The following MTMR2 variants were observed in gnomAD, a reference collection of about 807,000 sequenced individuals.
MTMR2 encodes the protein myotubularin related protein 2.
A neutral mutation model predicts 86.9 loss-of-function variants in MTMR2; 55 were observed. The observed-to-expected ratio is 0.63, with a 90% CI of 0.51 to 0.79. The LOEUF (loss-of-function observed/expected upper bound fraction) is 0.79. Ranked by LOEUF, MTMR2 falls within the 30% of genes least tolerant of loss-of-function variation. The probability of loss-of-function intolerance (pLI) is 0.00; values close to 1 mark genes in which losing one functional copy is unlikely to be tolerated. For missense variants in MTMR2, 659 were observed against 772.3 expected, an observed-to-expected ratio of 0.85 and a Z score of 1.74; for synonymous variants, 241 against 266.8, an observed-to-expected ratio of 0.90 and a Z score of 0.94.
intron 5 of MTMR2, among the ~76,000 whole-genome samples, chr11:95,859,354 C>G (rs995916431): frequency 2.6e-5 from 4 of 152,180 alleles, no homozygotes. Context: ...AGACTGAATG[C>G]AGTTATTCAT....
chr11:95,853,036 T>TTATA (rs71459780), intron 7 of MTMR2, among the ~76,000 whole-genome samples: 1 of 148,528 alleles, frequency 6.7e-6, no homozygotes. Context: ...TTCTAAAAAT[T>TTATA]TATATATAAT....
rs994225872 is a variant in MTMR2 at position 95,833,601 on chromosome 11, G to A, written c.*1689C>T. 1.3e-5 allele frequency: 2 copies of A among 152,066 alleles called. No individual in the cohort carries two copies. Among genetic ancestry groups the A allele is most frequent in the Non-Finnish European group, 2.9e-5 (2 of 68,000 alleles). 9.4% of individuals were successfully genotyped at this position (152,066 alleles called of 1,614,324 possible). A position where few individuals can be genotyped will look rare whatever the true frequency, so the allele number is the denominator to read the frequency against. On this transcript the variant is annotated 3_prime_UTR_variant, in exon 15 of 15. Transcript: ENST00000346299. ...CCCTGGCTTTTGATTTGAATTTGAA[G>A]TGGATGCAAGTATGTTAAGACTAGA...
chr11:95,908,211 G>T (rs555447653), intron 1 of MTMR2, among the ~76,000 whole-genome samples: 4 of 151,764 alleles, frequency 2.6e-5, no homozygotes, highest in Middle Eastern at 6.8e-3. Flanking sequence ...AATTCAAGCT[G>T]AGTGCCAAAT....
rs558800812 is a variant in MTMR2, at chr11:95,894,023, C to T, written c.81-5762G>A. 2.9e-4 allele frequency among the ~76,000 whole-genome samples: 44 copies of T among 152,284 alleles called. No homozygotes were observed. The South Asian group carries it at 7.2e-3, about 25-fold the overall frequency. Reference sequence around the variant, plus strand: ...CCTCAGCATAACACTCAGTTTTCCACGATCTGGCCCTTGTTCTACATATCC... The same window carrying T: ...CCTCAGCATAACACTCAGTTTTCCATGATCTGGCCCTTGTTCTACATATCC... On this transcript the variant is annotated intron_variant, in intron 1 of 14. Transcript: ENST00000346299.
At chr11:95,842,109 A>G (rs1351088256) in intron 11 of MTMR2, among the ~76,000 whole-genome samples, 1 of 152,210 alleles carries the variant, frequency 6.6e-6, no homozygotes, top group African/African-American at 2.4e-5. Context: ...AAAAATTTTC[A>G]GAAAGTCTTT....
intron 1 of MTMR2, among the ~76,000 whole-genome samples, chr11:95,908,154 T>C (rs924541188): frequency 2.0e-5 from 3 of 151,812 alleles, no homozygotes; most frequent in Non-Finnish European, 4.4e-5. Flanking sequence ...AGTTTCAGGA[T>C]ACAAAATCAA....
At chr11:95,900,656 C>T (rs1251168219) in intron 1 of MTMR2, among the ~76,000 whole-genome samples, 1 of 151,826 alleles carries the variant, frequency 6.6e-6, no homozygotes, top group Non-Finnish European at 1.5e-5. Flanking sequence ...AAAGCCAATC[C>T]TTCCTCTCAT....
intron 2 of MTMR2, among the ~76,000 whole-genome samples, chr11:95,875,577 G>A (rs1265071395): frequency 2.0e-5 from 3 of 152,076 alleles, no homozygotes; most frequent in Admixed American, 6.5e-5. Flanking sequence ...TTGATCGTCT[G>A]AAGCCTTCTT....
intron 1 of MTMR2, among the ~76,000 whole-genome samples, chr11:95,912,658 ACT>A (rs1218186407): frequency 6.6e-6 from 1 of 151,784 alleles, no homozygotes; most frequent in African/African-American, 2.4e-5. Flanking sequence ...ACGAATTCAA[ACT>A]CTTATAGTTC....
intron 11 of MTMR2, among the ~76,000 whole-genome samples, chr11:95,844,673 G>A (rs958318790): frequency 5.3e-5 from 8 of 152,100 alleles, no homozygotes; most frequent in Non-Finnish European, 8.8e-5. Context: ...TTAGGAAAAC[G>A]CCTGCCCAGA....
rs992031486 is a variant in MTMR2, at chr11:95,833,092, A to G, written c.*2198T>C. 3 of 152,118 alleles carry G rather than the reference A, an allele frequency of 2.0e-5. No individual in the cohort carries two copies. The highest frequency in any genetic ancestry group is 4.4e-5 in the Non-Finnish European group (3 of 68,048). 9.4% of individuals were successfully genotyped at this position (152,118 alleles called of 1,614,324 possible). On this transcript the variant is annotated 3_prime_UTR_variant, in exon 15 of 15. Coordinates refer to ENST00000346299, the MANE Select transcript of MTMR2 (RefSeq NM_016156.6). ...TCCCAAAGGAAGAGATGATGCCTAA[A>G]CTCTAGAAAATAGGAATTAGTCACA...
chr11:95,852,970 G>A (rs895716835), intron 7 of MTMR2, among the ~76,000 whole-genome samples: 3 of 151,874 alleles, frequency 2.0e-5, no homozygotes, highest in Non-Finnish European at 2.9e-5. Flanking sequence ...AGGAGGTGAA[G>A]GTTGCAGCGA....
In MTMR2 at chr11:95,862,328, C is replaced by T. The variant is rs1340382592; in HGVS notation, c.301G>A (p.Val101Ile). Reference protein sequence around the residue: ...VTYICPFTGAVRGTLTVTNYR... With the variant: ...VTYICPFTGAIRGTLTVTNYR... ...TTCGTGACAGTCAGAGTTCCTCGTACAGCGCCAGTGAATGGACATATATAA... is the reference window on the plus strand; with the variant it reads ...TTCGTGACAGTCAGAGTTCCTCGTATAGCGCCAGTGAATGGACATATATAA... Residue 101 changes from valine (V) to isoleucine (I), a missense_variant, in exon 4 of 15, where the codon GTA (valine) becomes ATA (isoleucine). Coordinates refer to ENST00000346299, the MANE Select transcript of MTMR2 (RefSeq NM_016156.6). 4.3e-6 allele frequency: 7 copies of T among 1,613,982 alleles called. No individual in the cohort carries two copies. Among genetic ancestry groups the T allele is most frequent in the Middle Eastern group, 1.6e-4 (1 of 6,084 alleles).
At chr11:95,895,812 C>T (rs1865860263) in intron 1 of MTMR2, among the ~76,000 whole-genome samples, 3 of 151,932 alleles carry the variant, frequency 2.0e-5, no homozygotes, top group African/African-American at 7.3e-5. Flanking sequence ...CGATTATTTA[C>T]CAGAGAAAAA....
chr11:95,876,733 A>G (rs1205739882), intron 2 of MTMR2, among the ~76,000 whole-genome samples: 2 of 152,056 alleles, frequency 1.3e-5, no homozygotes, highest in African/African-American at 4.8e-5. Context: ...ATTTTCTTCC[A>G]TGCCCACTTC....
intron 1 of MTMR2, among the ~76,000 whole-genome samples, chr11:95,920,748 A>T (rs899321557): frequency 6.6e-6 from 1 of 152,182 alleles, no homozygotes; most frequent in Non-Finnish European, 1.5e-5. Context: ...TTCATTTTTT[A>T]AAATATTTTT....
At chr11:95,912,414 T>TA (rs536806892) in intron 1 of MTMR2, among the ~76,000 whole-genome samples, 80 of 151,812 alleles carry the variant, frequency 5.3e-4, no homozygotes, top group African/African-American at 1.9e-3. Flanking sequence ...TTGAAAAATA[T>TA]AATAATTTTT....
intron 3 of MTMR2, 26 bp downstream of exon 3, chr11:95,865,575 A>G (rs2135484175): frequency 6.3e-7 from 1 of 1,579,382 alleles, no homozygotes; most frequent in East Asian, 2.2e-5. Flanking sequence ...GGAGAAGGAC[A>G]TTAAGCAAAA....
At chr11:95,895,786 C>T (rs1265243309) in intron 1 of MTMR2, among the ~76,000 whole-genome samples, 2 of 151,930 alleles carry the variant, frequency 1.3e-5, no homozygotes, top group Non-Finnish European at 2.9e-5. Context: ...TATTTTTCCA[C>T]ACACAAAAAA....
Sources: allele counts gnomAD v4.1 joint callset (sites outside exome capture counted in the v4.1 genomes callset), GRCh38; gene constraint gnomAD v4.1.1; transcripts MANE v1.5; gene names NCBI Gene and HGNC (gene_info 2026-07-23, HGNC 2026-07-21).